The following ERCC8 variants were observed in gnomAD, a reference collection of about 807,000 sequenced individuals.
ERCC8 encodes the protein ERCC excision repair 8, CSA ubiquitin ligase complex subunit.
ERCC8 carries 52 observed loss-of-function variants against 54.9 expected under a neutral mutation model. The ratio of observed to expected loss-of-function variants is 0.95; its 90% CI spans 0.76 to 1.19. The LOEUF is 1.19. ERCC8 is among the 50% of genes most tolerant of loss of function. ERCC8 has a pLI of 0.00. For synonymous variants in ERCC8, 146 were observed against 157.2 expected (o/e 0.93, Z 0.53); for missense variants, 514 against 466.1 (o/e 1.10, Z -0.95).
rs1295899174 is a variant in ERCC8, at chr5:60,872,774, A to T, written c.*1841T>A. On this transcript the variant is annotated 3_prime_UTR_variant, in exon 12 of 12. Transcript: ENST00000676185. ...GTATGGAGTTTCTGCAAAAAGTTAAAAATAGAACTACATATGATCCAGCAA... is the reference window on the plus strand; with the variant it reads ...GTATGGAGTTTCTGCAAAAAGTTAATAATAGAACTACATATGATCCAGCAA... Among the ~76,000 whole-genome samples the T allele has an allele frequency of 6.6e-6, 1 of 152,216 alleles. No individual in the cohort carries two copies. Among genetic ancestry groups the T allele is most frequent in the Non-Finnish European group, 1.5e-5 (1 of 68,034 alleles).
chr5:60,922,674 C>T (rs1277275150), intron 2 of ERCC8, among the ~76,000 whole-genome samples: 1 of 152,016 alleles, frequency 6.6e-6, no homozygotes, highest in Non-Finnish European at 1.5e-5. Context: ...AAAATAGGGG[C>T]TCAATAAATG....
At chr5:60,938,394 G>T (rs557798440) in intron 1 of ERCC8, among the ~76,000 whole-genome samples, 1 of 124,362 alleles carries the variant, frequency 8.0e-6, no homozygotes, top group African/African-American at 3.1e-5. Flanking sequence ...TCGCTCTGTC[G>T]CCAGGCTGGA....
intron 11 of ERCC8, among the ~76,000 whole-genome samples, chr5:60,880,182 T>C (rs1464300134): frequency 1.3e-5 from 2 of 152,334 alleles, no homozygotes; most frequent in East Asian, 3.9e-4. Flanking sequence ...TTAAGAATGT[T>C]GAATATTGGC....
chr5:60,918,742 G>T, intron 3 of ERCC8: 1 of 315,560 alleles, frequency 3.2e-6, no homozygotes, highest in Non-Finnish European at 6.1e-6. Context: ...TTTTGGATTT[G>T]CTTTTCCAAA....
chr5:60,927,844 G>A lies in ERCC8; in HGVS notation c.173+1020C>T, dbSNP rs552332298. 2.1e-3 allele frequency among the ~76,000 whole-genome samples: 325 copies of A among 152,324 alleles called. 1 individual carries two copies. Among genetic ancestry groups the A allele is most frequent in the African/African-American group, 7.5e-3 (312 of 41,576 alleles). ...CTTTTAGATTTAACCACATGCTAAA[G>A]TAAGATGTTTCTCATATACTAGTAG... On this transcript the variant is annotated intron_variant, in intron 2 of 11. Transcript: ENST00000676185.
In ERCC8 at chr5:60,873,282, A is replaced by G. The variant is rs1463681753; in HGVS notation, c.*1333T>C. ...GTACATGGTAAATACATACAATTTT[A>G]TCTGCCAATTGGAAAAAAAAATCAA... is the stretch of plus-strand genomic sequence containing the variant. On this transcript the variant is annotated 3_prime_UTR_variant, in exon 12 of 12. Coordinates refer to ENST00000676185, the MANE Select transcript of ERCC8 (RefSeq NM_000082.4). Among the ~76,000 whole-genome samples, 1 of 152,188 alleles carries G rather than the reference A, an allele frequency of 6.6e-6. No individual in the cohort carries two copies. Among genetic ancestry groups the G allele is most frequent in the Non-Finnish European group, 1.5e-5 (1 of 68,030 alleles).
intron 7 of ERCC8, among the ~76,000 whole-genome samples, chr5:60,901,926 C>T (rs2112490655): frequency 6.6e-6 from 1 of 152,158 alleles, no homozygotes; most frequent in African/African-American, 2.4e-5. Flanking sequence ...AGATGTACCT[C>T]TATTAAAGCA....
chr5:60,907,340 CA>C (rs1449405235), intron 4 of ERCC8: 7 of 149,214 alleles, frequency 4.7e-5, no homozygotes, highest in Admixed American at 4.1e-4. Flanking sequence ...CTCCTGTTAT[CA>C]TAGAAACATG....
In ERCC8 at chr5:60,904,893, T is replaced by C. The variant is rs750293312; in HGVS notation, c.400-20A>G. The C allele has an allele frequency of 4.2e-6, 5 of 1,184,696 alleles. No homozygotes were observed. The highest frequency in any genetic ancestry group is 6.3e-6 in the Non-Finnish European group (5 of 789,344). 73.4% of individuals were successfully genotyped at this position (1,184,696 alleles called of 1,614,324 possible). Reference sequence around the variant, plus strand: ...TGCAGTCTGGTAATCAAAAGACATTTAAAAAGTATAAGGTTTAAGTATAAA... The same window carrying C: ...TGCAGTCTGGTAATCAAAAGACATTCAAAAAGTATAAGGTTTAAGTATAAA... On this transcript the variant is annotated intron_variant, in intron 4 of 11. Coordinates refer to ENST00000676185, the MANE Select transcript of ERCC8 (RefSeq NM_000082.4).
intron 2 of ERCC8, among the ~76,000 whole-genome samples, chr5:60,925,396 C>G (rs146687797): frequency 1.3e-5 from 2 of 152,142 alleles, no homozygotes; most frequent in Non-Finnish European, 2.9e-5. Context: ...TGGGGGCGCA[C>G]TTTGACTGGT....
At chr5:60,941,359 A>T (rs1031081156) in intron 1 of ERCC8, among the ~76,000 whole-genome samples, 8 of 152,252 alleles carry the variant, frequency 5.3e-5, no homozygotes, top group Admixed American at 4.6e-4. Context: ...TAGATCCATT[A>T]AAATTATACA....
chr5:60,925,861 T>C (rs1749732616), intron 2 of ERCC8, among the ~76,000 whole-genome samples: 1 of 152,230 alleles, frequency 6.6e-6, no homozygotes, highest in Non-Finnish European at 1.5e-5. Context: ...TCTCGCTCTG[T>C]AGCCCAGACT....
At chr5:60,907,966 T>A (rs750683761) in intron 4 of ERCC8, among the ~76,000 whole-genome samples, 1 of 152,208 alleles carries the variant, frequency 6.6e-6, no homozygotes, top group African/African-American at 2.4e-5. Context: ...TTCAACACAA[T>A]TGATTACTCC....
chr5:60,895,706 C>A (rs1038448215), intron 9 of ERCC8, among the ~76,000 whole-genome samples: 1 of 151,978 alleles, frequency 6.6e-6, no homozygotes, highest in East Asian at 1.9e-4. Flanking sequence ...GGTGGGGTGA[C>A]GAAGAAAAAA....
chr5:60,889,697 T>G (rs1234923987), intron 10 of ERCC8, among the ~76,000 whole-genome samples: 7 of 152,336 alleles, frequency 4.6e-5, no homozygotes, highest in Admixed American at 2.0e-4. Flanking sequence ...GGGATGAAAT[T>G]TCGGCTGTGT....
chr5:60,904,915 T>C (rs4647099), intron 4 of ERCC8, 42 bp from the exon 5 acceptor site: 17,732 of 994,288 alleles, frequency 0.018, 211 homozygotes, highest in Middle Eastern at 0.034. Flanking sequence ...GGTTTAAGTA[T>C]AAAAACAAAG....
chr5:60,911,020 C>A (rs1749241961), intron 4 of ERCC8, among the ~76,000 whole-genome samples: 1 of 151,984 alleles, frequency 6.6e-6, no homozygotes, highest in Non-Finnish European at 1.5e-5. Context: ...TAAGGAATTT[C>A]TCTTCTATTC....
In ERCC8 at chr5:60,870,418, G is replaced by A. The variant is rs1747836796; in HGVS notation, c.*4197C>T. ...CCAGCACTTTGGGAGGCCGAGGCTG[G>A]TGGATCACTAGAGCCCAGGAGTTCA... On this transcript the variant is annotated 3_prime_UTR_variant, in exon 12 of 12. Transcript: ENST00000676185. Among the ~76,000 whole-genome samples, 1 of 148,740 alleles carries A rather than the reference G, an allele frequency of 6.7e-6. No homozygotes were observed. The highest frequency in any genetic ancestry group is 1.5e-5 in the Non-Finnish European group (1 of 67,514).
At position 60,869,179 on chromosome 5, in the gene ERCC8, T is replaced by C. The variant is rs990539078; in HGVS notation, c.*5436A>G. Among the ~76,000 whole-genome samples the C allele has an allele frequency of 6.6e-6, 1 of 152,224 alleles. No homozygotes were observed. The highest frequency in any genetic ancestry group is 1.5e-5 in the Non-Finnish European group (1 of 68,028). On this transcript the variant is annotated 3_prime_UTR_variant, in exon 12 of 12. Coordinates refer to ENST00000676185, the MANE Select transcript of ERCC8 (RefSeq NM_000082.4). ...GCTTCTCTAGTCTTCAGTAGTTATA[T>C]CATTTTTATAGAAATAACAAAGTAT...
Sources: allele counts gnomAD v4.1 joint callset (sites outside exome capture counted in the v4.1 genomes callset), GRCh38; gene constraint gnomAD v4.1.1; transcripts MANE v1.5; gene names NCBI Gene and HGNC (gene_info 2026-07-23, HGNC 2026-07-21).